The following MALRD1 variants were observed in gnomAD, a reference collection of about 807,000 sequenced individuals.
MALRD1 encodes MAM and LDL receptor class A domain containing 1.
In MALRD1, 247 loss-of-function variants were observed where a neutral mutation model predicts 242.1. The ratio of observed to expected loss-of-function variants is 1.02; its 90% CI spans 0.92 to 1.13. The LOEUF is 1.13. Among genes scored for constraint, MALRD1 ranks in the 50% most tolerant of loss-of-function variants. The pLI, the probability that MALRD1 is intolerant of heterozygous loss-of-function variation, is 0.00. For missense variants in MALRD1, 2,989 were observed against 2,533.1 expected (o/e 1.18, Z -3.86); for synonymous variants, 995 against 866.6 (o/e 1.15, Z -2.60).
rs527304104 is a variant in MALRD1, at chr10:19,211,427, G to A, written c.2991+1747G>A. On this transcript the variant is annotated intron_variant, in intron 18 of 39. Transcript: ENST00000454679. Reference sequence around the variant, plus strand: ...AGTAAAAAATGGGGCCTGAAAGGGGGCTCACACCTGTAATCCCAAGACTGG... The same window carrying A: ...AGTAAAAAATGGGGCCTGAAAGGGGACTCACACCTGTAATCCCAAGACTGG... 4.9e-3 allele frequency among the ~76,000 whole-genome samples: 746 copies of A among 152,084 alleles called. 12 individuals are homozygous for A. The highest frequency in any genetic ancestry group is 3.2e-3 in the Non-Finnish European group (215 of 67,980).
At chr10:19,500,437 T>A (rs1258560682) in intron 31 of MALRD1, among the ~76,000 whole-genome samples, 1 of 152,222 alleles carries the variant, frequency 6.6e-6, no homozygotes, top group Non-Finnish European at 1.5e-5. Flanking sequence ...TATCTGGTTA[T>A]CCACCTGGAA....
At chr10:19,371,305 G>A (rs945962238) in intron 26 of MALRD1, among the ~76,000 whole-genome samples, 4 of 151,936 alleles carry the variant, frequency 2.6e-5, no homozygotes, top group Admixed American at 2.0e-4. Context: ...GATTTTAGAG[G>A]AAAGCCACCT....
Position 19,531,664 on chromosome 10 carries a change from C to T in MALRD1, c.5478+313C>T, listed in dbSNP as rs1834422899. Among the ~76,000 whole-genome samples, 3 of 152,082 alleles carry T rather than the reference C, an allele frequency of 2.0e-5. No individual in the cohort carries two copies. The South Asian group carries it at 6.2e-4, about 32-fold the overall frequency. ...CTTCTATTAGCAGCTTAGCTAGGGACAGTAAAGAAATGTGATGTGATGCAT... is the reference window on the plus strand; with the variant it reads ...CTTCTATTAGCAGCTTAGCTAGGGATAGTAAAGAAATGTGATGTGATGCAT... On this transcript the variant is annotated intron_variant, in intron 32 of 39. Transcript: ENST00000454679.
intron 29 of MALRD1, among the ~76,000 whole-genome samples, chr10:19,490,388 A>G (rs2131214163): frequency 6.6e-6 from 1 of 152,018 alleles, no homozygotes; most frequent in South Asian, 2.1e-4. Context: ...AACCCGGTCG[A>G]TTAAATCTGG....
intron 29 of MALRD1, among the ~76,000 whole-genome samples, chr10:19,451,492 C>T (rs896774002): frequency 2.0e-5 from 3 of 152,176 alleles, no homozygotes; most frequent in Non-Finnish European, 4.4e-5. Flanking sequence ...AAGGTTCTTT[C>T]AGAGGAATTA....
chr10:19,489,087 C>T (rs1348247446), intron 29 of MALRD1: 1 of 461,440 alleles, frequency 2.2e-6, no homozygotes, highest in Non-Finnish European at 4.4e-6. Flanking sequence ...CGCGCCTTTC[C>T]GGAGCCAGAA....
At chr10:19,430,542 A>G (rs958440781) in intron 28 of MALRD1, among the ~76,000 whole-genome samples, 1 of 152,076 alleles carries the variant, frequency 6.6e-6, no homozygotes, top group African/African-American at 2.4e-5. Context: ...TAGCCCACTA[A>G]AGTACTCTCC....
intron 18 of MALRD1, among the ~76,000 whole-genome samples, chr10:19,239,741 T>G (rs7918649): frequency 0.011 from 1,711 of 152,256 alleles, 32 homozygotes; most frequent in African/African-American, 0.039. Context: ...CTCAGTACCA[T>G]TTAATGAAGA....
At chr10:19,317,156 G>A (rs1236173414) in intron 21 of MALRD1, among the ~76,000 whole-genome samples, 1 of 151,630 alleles carries the variant, frequency 6.6e-6, no homozygotes, top group South Asian at 2.1e-4. Context: ...AAACTGGGTT[G>A]CTTATAAACA....
chr10:19,147,558 T>A (rs1278473109), intron 11 of MALRD1, among the ~76,000 whole-genome samples: 2 of 152,216 alleles, frequency 1.3e-5, no homozygotes, highest in Admixed American at 6.5e-5. Flanking sequence ...ACTCATATAA[T>A]ATTTTACTTC....
At chr10:19,488,885 A>G (rs1837346977) in intron 29 of MALRD1, 1 of 354,956 alleles carries the variant, frequency 2.8e-6, no homozygotes, top group Non-Finnish European at 5.6e-6. Context: ...TTTGTTAAGA[A>G]TACTTTGCAT....
intron 33 of MALRD1, among the ~76,000 whole-genome samples, chr10:19,570,878 G>A (rs905703809): frequency 6.6e-6 from 1 of 151,808 alleles, no homozygotes; most frequent in African/African-American, 2.4e-5. Context: ...TGTGTTGTTT[G>A]TAATTGGGAA....
chr10:19,638,101 C>CAAAAAAAAAAAAAAAAAAAAA (rs56865342), intron 36 of MALRD1, among the ~76,000 whole-genome samples: 2 of 41,924 alleles, frequency 4.8e-5, no homozygotes, highest in African/African-American at 1.2e-4. Flanking sequence ...AACTCACTCT[C>CAAAAAAAAAAAAAAAAAAAAA]AAAAAAAAAA....
chr10:19,086,762 C>T (rs780729443), intron 2 of MALRD1, among the ~76,000 whole-genome samples: 1 of 152,148 alleles, frequency 6.6e-6, no homozygotes, highest in African/African-American at 2.4e-5. Flanking sequence ...GGCCTCTGGC[C>T]GAGTTAGGTC....
At chr10:19,214,542 T>A (rs1837220038) in intron 18 of MALRD1, among the ~76,000 whole-genome samples, 1 of 152,218 alleles carries the variant, frequency 6.6e-6, no homozygotes. Context: ...GTCCATTGAA[T>A]GAGACTCTCT....
At chr10:19,047,815 A>G (rs1199240876), upstream of MALRD1, among the ~76,000 whole-genome samples, 1 of 152,200 alleles carries the variant, frequency 6.6e-6, no homozygotes. Flanking sequence ...GAACATTTAA[A>G]AAAATGCTCA....
At chr10:19,720,792 G>GA (rs1317823023) in intron 38 of MALRD1, among the ~76,000 whole-genome samples, 1 of 151,870 alleles carries the variant, frequency 6.6e-6, no homozygotes. Flanking sequence ...TACTTTCCTT[G>GA]AAAAAACAGT....
At chr10:19,180,879 T>C (rs1835473651) in intron 14 of MALRD1, among the ~76,000 whole-genome samples, 1 of 152,018 alleles carries the variant, frequency 6.6e-6, no homozygotes, top group South Asian at 2.1e-4. Flanking sequence ...AATAGATAAA[T>C]AGATAAAAAA....
At chr10:19,526,653 G>C (rs1273667144) in intron 31 of MALRD1, among the ~76,000 whole-genome samples, 1 of 152,076 alleles carries the variant, frequency 6.6e-6, no homozygotes, top group Non-Finnish European at 1.5e-5. Context: ...GATATACTTT[G>C]ATAACTCAGC....
Sources: allele counts gnomAD v4.1 joint callset (sites outside exome capture counted in the v4.1 genomes callset), GRCh38; gene constraint gnomAD v4.1.1; transcripts MANE v1.5; gene names NCBI Gene and HGNC (gene_info 2026-07-23, HGNC 2026-07-21).